Variants in GRID1 observed in about 807,000 individuals in gnomAD.
GRID1 encodes the protein glutamate ionotropic receptor delta type subunit 1.
In GRID1, 28 loss-of-function variants were observed where a neutral mutation model predicts 98.0. That is an observed-to-expected ratio of 0.29 (90% CI 0.21 to 0.39). The LOEUF (loss-of-function observed/expected upper bound fraction) is 0.39. GRID1 is among the 10% of genes least tolerant of loss of function. The pLI is 1.00. For synonymous variants in GRID1, 553 were observed against 538.5 expected (o/e 1.03, Z -0.37); for missense variants, 1,111 against 1,340.5 (o/e 0.83, Z 2.67).
chr10:85,881,581 C>G (rs1655460005), intron 5 of GRID1, among the ~76,000 whole-genome samples: 1 of 152,170 alleles, frequency 6.6e-6, no homozygotes, highest in African/African-American at 2.4e-5. Flanking sequence ...ATGTAGAAAG[C>G]TGAAACTAGA....
chr10:86,186,216 A>G (rs1169148263), intron 3 of GRID1, among the ~76,000 whole-genome samples: 1 of 152,172 alleles, frequency 6.6e-6, no homozygotes, highest in African/African-American at 2.4e-5. Flanking sequence ...GTTTTTCAAA[A>G]CATTCCCTTA....
In GRID1 at chr10:86,289,154, G is replaced by A. The variant is rs73335932; in HGVS notation, c.235+74787C>T. ...CCAATGGACCCCCAGTGCTGGTTGG[G>A]AGAGACACAGTGAGGCCCAAAGCAT... On this transcript the variant is annotated intron_variant, in intron 2 of 15. Transcript: ENST00000327946. Among the ~76,000 whole-genome samples the A allele has an allele frequency of 3.5e-3, 537 of 152,286 alleles. 3 individuals carry two copies. Among genetic ancestry groups the A allele is most frequent in the African/African-American group, 0.012 (504 of 41,540 alleles).
chr10:86,325,682 T>A lies in GRID1; in HGVS notation c.235+38259A>T, dbSNP rs902155120. 2.0e-5 allele frequency among the ~76,000 whole-genome samples: 3 copies of A among 152,358 alleles called. No individual in the cohort carries two copies. The East Asian group carries it at 5.8e-4, about 29-fold the overall frequency. ...GAACATAACAAGAGAAATTTCAAAC[T>A]ATTCAGAAATTAATTTGAATTGAGC... On this transcript the variant is annotated intron_variant, in intron 2 of 15. Coordinates refer to ENST00000327946, the MANE Select transcript of GRID1 (RefSeq NM_017551.3).
intron 12 of GRID1, among the ~76,000 whole-genome samples, chr10:85,695,866 C>T (rs1018298287): frequency 6.6e-6 from 1 of 152,086 alleles, no homozygotes; most frequent in Non-Finnish European, 1.5e-5. Flanking sequence ...TACATGAATT[C>T]AGAATTTATA....
intron 8 of GRID1, among the ~76,000 whole-genome samples, chr10:85,767,138 T>C (rs1011825796): frequency 2.0e-5 from 3 of 152,222 alleles, no homozygotes; most frequent in African/African-American, 7.2e-5. Context: ...CAGGAGAAGC[T>C]GGGCCACTCA....
chr10:85,881,483 A>G (rs1841013791), intron 5 of GRID1, among the ~76,000 whole-genome samples: 1 of 152,222 alleles, frequency 6.6e-6, no homozygotes, highest in South Asian at 2.1e-4. Flanking sequence ...ATCTACAACC[A>G]GCTGATCTTT....
chr10:85,679,008 C>T (rs536185104), intron 12 of GRID1, among the ~76,000 whole-genome samples: 1 of 152,338 alleles, frequency 6.6e-6, no homozygotes, highest in African/African-American at 2.4e-5. Flanking sequence ...GACTCTCAAA[C>T]AACACTGATG....
chr10:86,354,081 G>A (rs1848500671), intron 2 of GRID1, among the ~76,000 whole-genome samples: 2 of 152,224 alleles, frequency 1.3e-5, no homozygotes, highest in South Asian at 4.1e-4. Flanking sequence ...CACGGCCCCA[G>A]GCCAGGAGCG....
At chr10:86,246,524 G>A (rs1355463014) in intron 2 of GRID1, among the ~76,000 whole-genome samples, 3 of 152,156 alleles carry the variant, frequency 2.0e-5, no homozygotes, top group Non-Finnish European at 4.4e-5. Context: ...GGAGGAGCCT[G>A]AGAATCTGCC....
At chr10:85,857,858 C>G (rs777293442) in intron 6 of GRID1, among the ~76,000 whole-genome samples, 1 of 152,180 alleles carries the variant, frequency 6.6e-6, no homozygotes, top group Non-Finnish European at 1.5e-5. Context: ...TACCACAACA[C>G]CTCTGTGCCT....
intron 8 of GRID1, among the ~76,000 whole-genome samples, chr10:85,737,653 T>G (rs1398655097): frequency 7.8e-6 from 1 of 128,772 alleles, no homozygotes; most frequent in Non-Finnish European, 1.7e-5. Flanking sequence ...CAGATATATA[T>G]ATATATATAT....
At chr10:85,689,985 A>C (rs1018656251) in intron 12 of GRID1, among the ~76,000 whole-genome samples, 6 of 152,298 alleles carry the variant, frequency 3.9e-5, no homozygotes, top group Non-Finnish European at 7.4e-5. Context: ...TGACAGTAAG[A>C]ACCTAAATGC....
At chr10:85,721,409 C>T (rs1279705084) in intron 12 of GRID1, among the ~76,000 whole-genome samples, 3 of 152,164 alleles carry the variant, frequency 2.0e-5, no homozygotes, top group Non-Finnish European at 4.4e-5. Flanking sequence ...TTCATGGCAG[C>T]TTTTTTCATA....
At chr10:85,618,472 C>T (rs991755640) in intron 14 of GRID1, among the ~76,000 whole-genome samples, 3 of 152,158 alleles carry the variant, frequency 2.0e-5, no homozygotes, top group African/African-American at 7.2e-5. Context: ...TGCATTTAAT[C>T]TGAGCAATTG....
At chr10:86,094,030 G>A (rs1051947178) in intron 4 of GRID1, among the ~76,000 whole-genome samples, 4 of 152,148 alleles carry the variant, frequency 2.6e-5, no homozygotes, top group African/African-American at 9.7e-5. Flanking sequence ...GGGATGCAGG[G>A]ATGGTTTAAC....
chr10:85,618,682 G>T (rs72841441), intron 14 of GRID1, among the ~76,000 whole-genome samples: 20,559 of 152,140 alleles, frequency 0.14, 1,567 homozygotes, highest in African/African-American at 0.2. Context: ...GCCTTCCCTT[G>T]GTGGGGCTGA....
intron 8 of GRID1, among the ~76,000 whole-genome samples, chr10:85,768,777 C>T (rs1240946218): frequency 1.3e-5 from 2 of 152,224 alleles, no homozygotes; most frequent in South Asian, 4.1e-4. Context: ...AACCCCAATG[C>T]ATTGTTGACA....
intron 8 of GRID1, among the ~76,000 whole-genome samples, chr10:85,764,199 T>A (rs1842175458): frequency 6.6e-6 from 1 of 152,078 alleles, no homozygotes; most frequent in Admixed American, 6.5e-5. Flanking sequence ...GCAACTGTGT[T>A]CAATAATCAG....
intron 2 of GRID1, among the ~76,000 whole-genome samples, chr10:86,241,676 A>G (rs929845903): frequency 6.6e-6 from 1 of 152,258 alleles, no homozygotes; most frequent in Admixed American, 6.5e-5. Context: ...TCATCAGTGA[A>G]TAATAGGAAT....
Sources: allele counts gnomAD v4.1 joint callset (sites outside exome capture counted in the v4.1 genomes callset), GRCh38; gene constraint gnomAD v4.1.1; transcripts MANE v1.5; gene names NCBI Gene and HGNC (gene_info 2026-07-23, HGNC 2026-07-21).